The following MTA3 variants were observed in gnomAD, a reference collection of about 807,000 sequenced individuals.
MTA3 encodes metastasis-associated protein MTA3.
Under a neutral mutation model 83.5 loss-of-function variants are expected in MTA3, and 34 were observed. The ratio of observed to expected loss-of-function variants is 0.41; its 90% CI spans 0.31 to 0.54. The LOEUF (loss-of-function observed/expected upper bound fraction) is 0.54. Among genes scored for constraint, MTA3 ranks in the 20% least tolerant of loss-of-function variants. The probability of loss-of-function intolerance (pLI) is 0.33; values close to 1 mark genes in which losing one functional copy is unlikely to be tolerated. For synonymous variants in MTA3, 303 were observed against 252.7 expected (o/e 1.20, Z -1.89); for missense variants, 761 against 726.4 (o/e 1.05, Z -0.55).
chr2:42,674,184 AC>A (rs1691113300), intron 8 of MTA3, among the ~76,000 whole-genome samples: 1 of 152,116 alleles, frequency 6.6e-6, no homozygotes, highest in Non-Finnish European at 1.5e-5. Context: ...ACATATCCTA[AC>A]ATCCTATTTG....
chr2:42,578,207 C>T (rs185815658), intron 2 of MTA3, among the ~76,000 whole-genome samples: 2 of 152,248 alleles, frequency 1.3e-5, no homozygotes, highest in East Asian at 3.9e-4. Context: ...AAATGGAAAT[C>T]ACAATAGCAT....
At chr2:42,648,219 A>C (rs1688397589) in intron 6 of MTA3, among the ~76,000 whole-genome samples, 1 of 152,220 alleles carries the variant, frequency 6.6e-6, no homozygotes, top group Non-Finnish European at 1.5e-5. Flanking sequence ...AATTAACCAC[A>C]CTTGAAAAAC....
intron 4 of MTA3, among the ~76,000 whole-genome samples, chr2:42,632,200 C>T (rs1199374925): frequency 6.6e-6 from 1 of 151,608 alleles, no homozygotes; most frequent in Non-Finnish European, 1.5e-5. Context: ...CGCCATTCTC[C>T]TGCCTCAGCC....
intron 10 of MTA3, among the ~76,000 whole-genome samples, chr2:42,697,572 A>G (rs1243186224): frequency 6.6e-6 from 1 of 152,184 alleles, no homozygotes; most frequent in African/African-American, 2.4e-5. Flanking sequence ...AAATTGTATT[A>G]ATACTTAAAG....
At chr2:42,521,164 G>C (rs1054132637) in intron 2 of MTA3, among the ~76,000 whole-genome samples, 8 of 152,156 alleles carry the variant, frequency 5.3e-5, no homozygotes, top group African/African-American at 1.9e-4. Flanking sequence ...AAAAGCCTGT[G>C]GCCTCTTTCT....
At chr2:42,707,786 G>T (rs575313114) in intron 12 of MTA3, 117 bp from the exon 13 acceptor site, 7 of 1,152,324 alleles carry the variant, frequency 6.1e-6, no homozygotes, top group African/African-American at 1.6e-5. Flanking sequence ...TGTAAGCTGG[G>T]AACAATAACA....
intron 6 of MTA3, among the ~76,000 whole-genome samples, chr2:42,655,828 T>C (rs1689118065): frequency 6.6e-6 from 1 of 152,174 alleles, no homozygotes; most frequent in South Asian, 2.1e-4. Flanking sequence ...GTTTCAAACT[T>C]CTGGCCTCAA....
chr2:42,534,486 A>G (rs1428295926), intron 2 of MTA3, among the ~76,000 whole-genome samples: 1 of 152,118 alleles, frequency 6.6e-6, no homozygotes, highest in African/African-American at 2.4e-5. Context: ...AGTTCCAGCT[A>G]TTCGGGAGGC....
chr2:42,538,453 A>G (rs1490690126), intron 2 of MTA3, among the ~76,000 whole-genome samples: 1 of 152,024 alleles, frequency 6.6e-6, no homozygotes, highest in African/African-American at 2.4e-5. Context: ...CATGCCTGTA[A>G]TCCCAGCACT....
At chr2:42,531,881 C>T (rs1401853579) in intron 2 of MTA3, among the ~76,000 whole-genome samples, 4 of 152,168 alleles carry the variant, frequency 2.6e-5, no homozygotes, top group African/African-American at 7.2e-5. Flanking sequence ...CTCAGCCTCC[C>T]GAGTAGCTGG....
Position 42,755,745 on chromosome 2 carries a change from C to T in MTA3, c.*2346C>T. ...CTCCCTTTCTGGGGCCATGGTGTCCCTGCTGTGTGTCAGTGGCATGTCACT... is the reference window on the plus strand; with the variant it reads ...CTCCCTTTCTGGGGCCATGGTGTCCTTGCTGTGTGTCAGTGGCATGTCACT... On this transcript the variant is annotated 3_prime_UTR_variant, in exon 17 of 17. Coordinates refer to ENST00000405094, the MANE Select transcript of MTA3 (RefSeq NM_001330442.2). The T allele has an allele frequency of 1.0e-6, 1 of 985,696 alleles. No homozygotes were observed. Among genetic ancestry groups the T allele is most frequent in the East Asian group, 1.1e-4 (1 of 8,814 alleles). 61.1% of individuals were successfully genotyped at this position (985,696 alleles called of 1,614,324 possible).
At chr2:42,625,721 T>C (rs1051137471) in intron 4 of MTA3, among the ~76,000 whole-genome samples, 1 of 133,374 alleles carries the variant, frequency 7.5e-6, no homozygotes, top group Non-Finnish European at 1.5e-5. Context: ...CACTCTAGCC[T>C]GGGTAACAGA....
chr2:42,547,898 T>C (rs1402021333), intron 2 of MTA3, among the ~76,000 whole-genome samples: 3 of 151,296 alleles, frequency 2.0e-5, no homozygotes, highest in Non-Finnish European at 2.9e-5. Flanking sequence ...ACTCCTAAAT[T>C]AGGTTTTCAA....
At chr2:42,678,905 A>G (rs1046348441) in intron 8 of MTA3, among the ~76,000 whole-genome samples, 1 of 152,206 alleles carries the variant, frequency 6.6e-6, no homozygotes, top group Admixed American at 6.5e-5. Flanking sequence ...GTGAGGGATC[A>G]CTTAAAAGCT....
chr2:42,530,603 G>C (rs980021632), intron 2 of MTA3, among the ~76,000 whole-genome samples: 3 of 151,814 alleles, frequency 2.0e-5, no homozygotes, highest in African/African-American at 7.3e-5. Flanking sequence ...GACCAACATG[G>C]AGAAACCCCC....
In MTA3 at chr2:42,755,119, C is replaced by G. The variant is rs750267081; in HGVS notation, c.*1720C>G. ...CACTGAGGGGTCCCTTCAGCAAAGA[C>G]CTGGGAGGAGGTGCCGCATCACGTG... On this transcript the variant is annotated 3_prime_UTR_variant, in exon 17 of 17. Transcript: ENST00000405094. 4 of 985,354 alleles carry G rather than the reference C, an allele frequency of 4.1e-6. No homozygotes were observed. Among genetic ancestry groups the G allele is most frequent in the Non-Finnish European group, 4.8e-6 (4 of 830,020 alleles). 61.0% of individuals were successfully genotyped at this position (985,354 alleles called of 1,614,324 possible).
intron 3 of MTA3, among the ~76,000 whole-genome samples, chr2:42,603,701 C>G (rs1341380396): frequency 6.6e-6 from 1 of 152,152 alleles, no homozygotes; most frequent in African/African-American, 2.4e-5. Context: ...GCATTTAGTT[C>G]AGCAGTTCCT....
At chr2:42,555,826 C>A (rs1220374985) in intron 2 of MTA3, among the ~76,000 whole-genome samples, 1 of 151,718 alleles carries the variant, frequency 6.6e-6, no homozygotes, top group Non-Finnish European at 1.5e-5. Flanking sequence ...AATCCCAGCA[C>A]TTTGGGAGGC....
intron 6 of MTA3, among the ~76,000 whole-genome samples, chr2:42,650,387 A>T (rs1305844409): frequency 6.6e-6 from 1 of 152,120 alleles, no homozygotes; most frequent in African/African-American, 2.4e-5. Flanking sequence ...ATAAATGATT[A>T]TATGGTCTGG....
Sources: allele counts gnomAD v4.1 joint callset (sites outside exome capture counted in the v4.1 genomes callset), GRCh38; gene constraint gnomAD v4.1.1; transcripts MANE v1.5; gene names NCBI Gene and HGNC (gene_info 2026-07-23, HGNC 2026-07-21).